Variants in TRIM35 observed in about 807,000 individuals in gnomAD.
TRIM35 encodes E3 ubiquitin-protein ligase TRIM35.
TRIM35 carries 37 observed loss-of-function variants against 49.1 expected under a neutral mutation model. That is an observed-to-expected ratio of 0.75 (90% CI 0.58 to 0.99). The LOEUF is 0.99. Among genes scored for constraint, TRIM35 ranks in the 50% least tolerant of loss-of-function variants. The pLI is 0.00. For synonymous variants in TRIM35, 302 were observed against 289.3 expected (o/e 1.04, Z -0.45); for missense variants, 648 against 702.7 (o/e 0.92, Z 0.88).
chr8:27,289,087 C>A, intron 5 of TRIM35, 75 bp downstream of exon 5: 1 of 1,262,532 alleles, frequency 7.9e-7, no homozygotes, highest in Non-Finnish European at 1.1e-6. Flanking sequence ...CCGGCAGAGA[C>A]CAGCCCTGGT....
chr8:27,299,695 T>C (rs1802644360), intron 1 of TRIM35, among the ~76,000 whole-genome samples: 1 of 152,154 alleles, frequency 6.6e-6, no homozygotes, highest in Non-Finnish European at 1.5e-5. Context: ...ATTATACAGA[T>C]GTGTCGCCCA....
intron 1 of TRIM35, chr8:27,304,743 GT>G: frequency 2.3e-6 from 1 of 433,138 alleles, no homozygotes; most frequent in Non-Finnish European, 4.5e-6. Flanking sequence ...GAATGCCTGT[GT>G]TTTTTCTGCT....
chr8:27,302,513 C>T (rs1208911446), intron 1 of TRIM35, among the ~76,000 whole-genome samples: 1 of 152,164 alleles, frequency 6.6e-6, no homozygotes, highest in Non-Finnish European at 1.5e-5. Flanking sequence ...AAGTGATCCT[C>T]CCACCACCTC....
At chr8:27,304,006 T>G (rs1275137122) in intron 1 of TRIM35, among the ~76,000 whole-genome samples, 4 of 152,196 alleles carry the variant, frequency 2.6e-5, no homozygotes, top group Non-Finnish European at 5.9e-5. Context: ...CGTTAAAGAT[T>G]AGTTATAAAC....
chr8:27,307,309 G>A (rs1400671823), intron 1 of TRIM35, among the ~76,000 whole-genome samples: 1 of 151,898 alleles, frequency 6.6e-6, no homozygotes, highest in East Asian at 1.9e-4. Flanking sequence ...CTCAGTCACT[G>A]CACACCCCCA....
chr8:27,306,562 G>A (rs959902931), intron 1 of TRIM35, among the ~76,000 whole-genome samples: 1 of 151,960 alleles, frequency 6.6e-6, no homozygotes, highest in East Asian at 1.9e-4. Context: ...CTGACCTCGT[G>A]ATCTGCCTGC....
At chr8:27,292,127 A>G (rs1802468235) in intron 3 of TRIM35, among the ~76,000 whole-genome samples, 2 of 152,282 alleles carry the variant, frequency 1.3e-5, no homozygotes, top group African/African-American at 2.4e-5. Context: ...TCAGTCAACA[A>G]GGAACCACAT....
intron 4 of TRIM35, among the ~76,000 whole-genome samples, chr8:27,289,546 G>T (rs1382126324): frequency 6.6e-6 from 1 of 152,202 alleles, no homozygotes; most frequent in African/African-American, 2.4e-5. Flanking sequence ...CAACATGGCT[G>T]CCATCCTTGC....
At chr8:27,294,008 G>A in intron 3 of TRIM35, 72 bp downstream of exon 3, 1 of 1,494,134 alleles carries the variant, frequency 6.7e-7, no homozygotes, top group Admixed American at 1.8e-5. Context: ...GGCCAGGGCT[G>A]GTGGGCTATG....
chr8:27,298,249 T>G (rs1802609568), intron 2 of TRIM35, among the ~76,000 whole-genome samples: 1 of 152,206 alleles, frequency 6.6e-6, no homozygotes, highest in Admixed American at 6.5e-5. Flanking sequence ...CTCCTGTGGC[T>G]GCTGGCATGA....
At chr8:27,304,660 T>C (rs1481353566) in intron 1 of TRIM35, 1 of 356,472 alleles carries the variant, frequency 2.8e-6, no homozygotes, top group African/African-American at 2.1e-5. Flanking sequence ...GACTTTGTTT[T>C]GTCCCCTGCA....
chr8:27,295,572 A>G (rs1293343738), intron 2 of TRIM35, among the ~76,000 whole-genome samples: 2 of 152,226 alleles, frequency 1.3e-5, no homozygotes, highest in East Asian at 3.9e-4. Flanking sequence ...GGACACTCAC[A>G]TTAGCCTACA....
intron 5 of TRIM35, among the ~76,000 whole-genome samples, 188 bp from the exon 6 acceptor site, chr8:27,288,315 C>T (rs373388010): frequency 1.3e-5 from 2 of 152,144 alleles, no homozygotes; most frequent in African/African-American, 4.8e-5. Flanking sequence ...GCAGTCCCAA[C>T]CCCTGGTACC....
At position 27,294,308 on chromosome 8, in the gene TRIM35, C is replaced by T; in HGVS notation, c.534G>A (p.Val178=). The T allele has an allele frequency of 6.2e-7, 1 of 1,613,138 alleles. No homozygotes were observed. The highest frequency in any genetic ancestry group is 8.5e-7 in the Non-Finnish European group (1 of 1,179,782). The change falls in exon 3 of 6, where the codon GTG becomes GTA. Residue 178 remains valine (V), a splice_region_variant and synonymous_variant. Transcript: ENST00000305364. ...TCCGGCCTTCCAGCCATGCAGCCTC[C>T]ACCTACGGAAGACAGCAGGAGGAGT... ...SYEAIAKHNQ[V]EAAWLEGRIR...
At chr8:27,310,052 T>C (rs1046321106) in intron 1 of TRIM35, among the ~76,000 whole-genome samples, 1 of 152,130 alleles carries the variant, frequency 6.6e-6, no homozygotes, top group Admixed American at 6.5e-5. Flanking sequence ...AGAAAACTTT[T>C]GTTTCAACTG....
At chr8:27,297,316 T>C (rs1802589936) in intron 2 of TRIM35, among the ~76,000 whole-genome samples, 1 of 152,174 alleles carries the variant, frequency 6.6e-6, no homozygotes, top group Admixed American at 6.5e-5. Context: ...TGGTAATTAC[T>C]AGAAGCAACC....
At chr8:27,297,547 T>C (rs1402276891) in intron 2 of TRIM35, among the ~76,000 whole-genome samples, 2 of 152,200 alleles carry the variant, frequency 1.3e-5, no homozygotes, top group Non-Finnish European at 2.9e-5. Flanking sequence ...AGAACTCCTC[T>C]AGATAACTGG....
At chr8:27,291,579 C>T (rs569276412) in intron 3 of TRIM35, among the ~76,000 whole-genome samples, 184 of 152,166 alleles carry the variant, frequency 1.2e-3, no homozygotes, top group Non-Finnish European at 2.0e-3. Context: ...GAAAACATGT[C>T]CACATAAAAA....
At position 27,287,500 on chromosome 8, in the gene TRIM35, C is replaced by T; in HGVS notation, c.*50G>A. ...AGCAGTGTGGGCATTAGGAAGAGGG[C>T]AGAAAGAAAACAGTGCTGTGGCACA... On this transcript the variant is annotated 3_prime_UTR_variant, in exon 6 of 6. Coordinates refer to ENST00000305364, the MANE Select transcript of TRIM35 (RefSeq NM_171982.5). This position sits in a 1 kb window ranked among gnomAD's most constrained non-coding sequence, Gnocchi z 6.0. 6.7e-7 allele frequency: 1 copy of T among 1,485,720 alleles called. No homozygotes were observed. Among genetic ancestry groups the T allele is most frequent in the Non-Finnish European group, 9.0e-7 (1 of 1,113,862 alleles). The allele number at this position is 1,485,720 out of a possible 1,614,324, so 92.0% of individuals were successfully genotyped here. A position where few individuals can be genotyped will look rare whatever the true frequency, so the allele number is the denominator to read the frequency against.
Sources: allele counts gnomAD v4.1 joint callset (sites outside exome capture counted in the v4.1 genomes callset), GRCh38; gene constraint gnomAD v4.1.1; non-coding constraint Gnocchi (gnomAD v3.1); transcripts MANE v1.5; gene names NCBI Gene and HGNC (gene_info 2026-07-23, HGNC 2026-07-21).